ZMYND11: variants seen among roughly 807,000 people sequenced by gnomAD.
The protein encoded by ZMYND11 is zinc finger MYND domain-containing protein 11.
In ZMYND11, 9 loss-of-function variants were observed where a neutral mutation model predicts 84.9. The ratio of observed to expected loss-of-function variants is 0.11; its 90% CI spans 0.06 to 0.18. The LOEUF is 0.18. ZMYND11 is among the 10% of genes least tolerant of loss of function. The pLI, the probability that ZMYND11 is intolerant of heterozygous loss-of-function variation, is 1.00. For missense variants in ZMYND11, 409 were observed against 761.0 expected (o/e 0.54, Z 5.44); for synonymous variants, 250 against 244.1 (o/e 1.02, Z -0.23).
At position 249,867 on chromosome 10, in the gene ZMYND11, T is replaced by C. The variant is rs370449507; in HGVS notation, c.1686+779T>C. 3.9e-5 allele frequency: 32 copies of C among 816,462 alleles called. No homozygotes were observed. The East Asian group carries it at 2.5e-3, about 63-fold the overall frequency. 50.6% of individuals were successfully genotyped at this position (816,462 alleles called of 1,614,324 possible). On this transcript the variant is annotated intron_variant, in intron 14 of 14. Transcript: ENST00000381604. ...CATGAAAGAAATATTTTTAAATCTG[T>C]GACAAAGATTTGGCAAGAAGGAAAA...
At chr10:159,140 G>T (rs1554760696) in intron 1 of ZMYND11, among the ~76,000 whole-genome samples, 2 of 141,864 alleles carry the variant, frequency 1.4e-5, no homozygotes, top group Non-Finnish European at 1.5e-5. Flanking sequence ...CTTAATAGCT[G>T]ACTGTACTCC....
intron 2 of ZMYND11, among the ~76,000 whole-genome samples, chr10:206,748 A>G (rs963268918): frequency 6.6e-6 from 1 of 152,076 alleles, no homozygotes; most frequent in South Asian, 2.1e-4. Context: ...CATACGTACT[A>G]CGCCTTCTGT....
At chr10:149,827 C>T (rs1296188501) in intron 1 of ZMYND11, among the ~76,000 whole-genome samples, 1 of 152,140 alleles carries the variant, frequency 6.6e-6, no homozygotes, top group African/African-American at 2.4e-5. Flanking sequence ...ATTATTTCAA[C>T]ACTTCTTTCT....
chr10:194,098 A>G (rs1396509776), intron 2 of ZMYND11, among the ~76,000 whole-genome samples: 1 of 152,064 alleles, frequency 6.6e-6, no homozygotes, highest in Non-Finnish European at 1.5e-5. Flanking sequence ...AATCCTCCCA[A>G]TTCAGCCTCT....
In ZMYND11 at chr10:195,968, G is replaced by A. The variant is rs540527352; in HGVS notation, c.117-13921G>A. On this transcript the variant is annotated intron_variant, in intron 2 of 14. Coordinates refer to ENST00000381604, the MANE Select transcript of ZMYND11 (RefSeq NM_001370100.5). Reference sequence around the variant, plus strand: ...TAGATGACACAGAAGGGTAAGGACAGCGGGTCATATAACTGAGAAGGATTA... The same window carrying A: ...TAGATGACACAGAAGGGTAAGGACAACGGGTCATATAACTGAGAAGGATTA... Among the ~76,000 whole-genome samples the A allele has an allele frequency of 2.0e-5, 3 of 152,336 alleles. No homozygotes were observed. In the South Asian group the frequency reaches 6.2e-4, roughly 32 times the overall value.
chr10:190,584 A>C (rs1940100070), intron 2 of ZMYND11, among the ~76,000 whole-genome samples: 1 of 152,112 alleles, frequency 6.6e-6, no homozygotes, highest in Non-Finnish European at 1.5e-5. Context: ...ATGCTCTTAA[A>C]ATTCTCTTTT....
rs565579925 is a variant in ZMYND11, at chr10:161,751, A to G, written c.-19-18243A>G. Among the ~76,000 whole-genome samples the G allele has an allele frequency of 7.2e-4, 109 of 152,320 alleles. 4 individuals are homozygous for G. In the South Asian group the frequency reaches 0.022, roughly 31 times the overall value. The stretch of plus-strand genomic sequence containing the variant: ...CTTCTGCAGCTTCCTCACGTCTCTC[A>G]GCCTTCATAGAACCGAAGAGAGTTA... On this transcript the variant is annotated intron_variant, in intron 1 of 14. Coordinates refer to ENST00000381604, the MANE Select transcript of ZMYND11 (RefSeq NM_001370100.5).
chr10:169,754 C>G (rs190584958), intron 1 of ZMYND11, among the ~76,000 whole-genome samples: 1 of 151,914 alleles, frequency 6.6e-6, no homozygotes. Context: ...CAGAGAGAGA[C>G]AAGTCTGGGG....
intron 7 of ZMYND11, 134 bp from the exon 8 acceptor site, chr10:239,922 A>G (rs550617160): frequency 2.5e-5 from 16 of 651,728 alleles, no homozygotes. Flanking sequence ...TTATTTTGCT[A>G]TCGTTATTTT....
chr10:147,004 G>A (rs956675426), intron 1 of ZMYND11, among the ~76,000 whole-genome samples: 1 of 152,194 alleles, frequency 6.6e-6, no homozygotes, highest in Admixed American at 6.5e-5. Flanking sequence ...ACCCAGTCTC[G>A]AGTATGTCTT....
rs1365667167 is a variant in ZMYND11 at position 135,708 on chromosome 10, G to C, written c.-20+149G>C. ...ACGGTCGCTCGCCCGCTCGCGAAGA[G>C]CTCCGAGCTGCCGGGGAGCTTTGTG... On this transcript the variant is annotated intron_variant, in intron 1 of 14. Coordinates refer to ENST00000381604, the MANE Select transcript of ZMYND11 (RefSeq NM_001370100.5). The surrounding 1 kb of genome is among the most constrained non-coding windows in gnomAD (Gnocchi z 5.6). 1.3e-5 allele frequency: 2 copies of C among 148,662 alleles called. No individual in the cohort carries two copies. The highest frequency in any genetic ancestry group is 3.0e-5 in the Non-Finnish European group (2 of 66,404). 9.2% of individuals were successfully genotyped at this position (148,662 alleles called of 1,614,324 possible). A position where few individuals can be genotyped will look rare whatever the true frequency, so the allele number is the denominator to read the frequency against.
intron 1 of ZMYND11, among the ~76,000 whole-genome samples, chr10:156,216 C>T (rs761377645): frequency 7.4e-4 from 113 of 152,258 alleles, no homozygotes; most frequent in African/African-American, 2.7e-3. Flanking sequence ...TCAAATAGCT[C>T]CAAGGTTGAG....
intron 4 of ZMYND11, among the ~76,000 whole-genome samples, chr10:227,208 C>T (rs950857890): frequency 6.6e-6 from 1 of 152,180 alleles, no homozygotes; most frequent in African/African-American, 2.4e-5. Flanking sequence ...TTCTCTGACT[C>T]ATGTTCTTAA....
chr10:243,728 G>A (rs1003949471), intron 10 of ZMYND11, among the ~76,000 whole-genome samples: 1 of 152,168 alleles, frequency 6.6e-6, no homozygotes, highest in Non-Finnish European at 1.5e-5. Context: ...AGCCATGCGT[G>A]GTGGTGTGTG....
intron 2 of ZMYND11, among the ~76,000 whole-genome samples, chr10:199,347 C>G (rs1942580592): frequency 7.6e-6 from 1 of 131,192 alleles, no homozygotes; most frequent in Admixed American, 9.2e-5. Context: ...CCGTCTCTGT[C>G]TCTTTCTTTC....
intron 1 of ZMYND11, among the ~76,000 whole-genome samples, chr10:144,819 G>A (rs1262127911): frequency 1.3e-5 from 2 of 150,022 alleles, no homozygotes; most frequent in Non-Finnish European, 3.0e-5. Flanking sequence ...GCATAGTGGT[G>A]AAGTATGAGA....
chr10:237,509 T>C (rs1009152674), intron 5 of ZMYND11, 76 bp from the exon 6 acceptor site: 2 of 889,002 alleles, frequency 2.2e-6, no homozygotes, highest in Non-Finnish European at 3.5e-6. Context: ...GTAGAAAATA[T>C]TTTGAGCTTT....
chr10:169,217 A>AG (rs1554764895), intron 1 of ZMYND11, among the ~76,000 whole-genome samples: 1 of 152,076 alleles, frequency 6.6e-6, no homozygotes, highest in Non-Finnish European at 1.5e-5. Flanking sequence ...GTCCCACATA[A>AG]GGGGGGAAAC....
At chr10:168,113 A>T (rs1554764491) in intron 1 of ZMYND11, among the ~76,000 whole-genome samples, 1 of 152,160 alleles carries the variant, frequency 6.6e-6, no homozygotes, top group Non-Finnish European at 1.5e-5. Flanking sequence ...AAGGTTTAAA[A>T]TATGGGATGC....
Sources: allele counts gnomAD v4.1 joint callset (sites outside exome capture counted in the v4.1 genomes callset), GRCh38; gene constraint gnomAD v4.1.1; non-coding constraint Gnocchi (gnomAD v3.1); transcripts MANE v1.5; gene names NCBI Gene and HGNC (gene_info 2026-07-23, HGNC 2026-07-21).